TACC3: variants seen among roughly 807,000 people sequenced by gnomAD.
The protein encoded by TACC3 is transforming acidic coiled-coil containing protein 3.
A neutral mutation model predicts 86.0 loss-of-function variants in TACC3; 52 were observed. The ratio of observed to expected loss-of-function variants is 0.60; its 90% CI spans 0.48 to 0.76. The LOEUF is 0.76. Ranked by LOEUF, TACC3 falls within the 30% of genes least tolerant of loss-of-function variation. TACC3 has a pLI of 0.00. For synonymous variants in TACC3, 512 were observed against 430.0 expected, an observed-to-expected ratio of 1.19 and a Z score of -2.36; for missense variants, 1,120 against 1,070.4, an observed-to-expected ratio of 1.05 and a Z score of -0.65.
intron 13 of TACC3, 114 bp downstream of exon 13, chr4:1,741,100 T>A: frequency 2.9e-6 from 3 of 1,032,024 alleles, no homozygotes; most frequent in Non-Finnish European, 4.2e-6. Flanking sequence ...AAGCCTCCCC[T>A]TGCCACGGGG....
chr4:1,721,485 C>G (rs914385290), upstream of TACC3: 1 of 152,052 alleles, frequency 6.6e-6, no homozygotes, highest in African/African-American at 2.4e-5. Flanking sequence ...CGAAGGCAAC[C>G]GTCGGCGTTT....
chr4:1,727,687 T>TAAA, intron 3 of TACC3, 21 bp from the exon 4 acceptor site: 1 of 1,550,388 alleles, frequency 6.4e-7, no homozygotes, highest in East Asian at 2.3e-5. Context: ...TGCTTCACGT[T>TAAA]GATTAAGTCT....
intron 3 of TACC3, among the ~76,000 whole-genome samples, chr4:1,724,193 TCTC>T (rs1315375828): frequency 6.0e-5 from 9 of 150,508 alleles, no homozygotes; most frequent in African/African-American, 1.7e-4. Flanking sequence ...ATGGTCTTGA[TCTC>T]CTCCTGACCT....
At position 1,744,762 on chromosome 4, in the gene TACC3, T is replaced by C. The variant is rs772442048; in HGVS notation, c.2381T>C (p.Leu794Ser). The change falls in exon 15 of 16, where the codon TTG becomes TCG. Residue 794 changes from leucine to serine, a missense_variant. Transcript: ENST00000313288. The part of the protein sequence containing the change: ...QVRSKAQAEA[L>S]ALQASLRKEQ... Reference sequence around the variant, plus strand: ...CGGAGCAAGGCCCAGGCGGAAGCGTTGGCCCTCCAGGCCAGCCTGAGGAAG... The same window carrying C: ...CGGAGCAAGGCCCAGGCGGAAGCGTCGGCCCTCCAGGCCAGCCTGAGGAAG... 1 of 1,612,636 alleles carries C rather than the reference T, an allele frequency of 6.2e-7. No homozygotes were observed. Among genetic ancestry groups the C allele is most frequent in the Non-Finnish European group, 8.5e-7 (1 of 1,180,018 alleles).
intron 15 of TACC3, 32 bp from the exon 16 acceptor site, chr4:1,744,916 G>A: frequency 6.2e-7 from 1 of 1,611,446 alleles, no homozygotes; most frequent in Non-Finnish European, 8.5e-7. Context: ...TCCAAGCAGG[G>A]AGAAGCCCCG....
chr4:1,738,180 A>C, intron 10 of TACC3: 1 of 307,534 alleles, frequency 3.3e-6, no homozygotes, highest in Non-Finnish European at 6.4e-6. Flanking sequence ...CCGGGCCTAA[A>C]TTGTCCCTAA....
Position 1,737,391 on chromosome 4 carries a change from G to C in TACC3, c.1836+63G>C, listed in dbSNP as rs570032852. ...GGTCTGAGGGAACGAGTTGTTTTAA[G>C]GGCCTATATTTTCTATTCCTGGGGG... On this transcript the variant is annotated intron_variant, in intron 9 of 15. Coordinates refer to ENST00000313288, the MANE Select transcript of TACC3 (RefSeq NM_006342.3). The C allele has an allele frequency of 4.9e-5, 74 of 1,506,550 alleles. No individual in the cohort carries two copies. In the East Asian group the frequency reaches 1.7e-3, roughly 34 times the overall value. The allele number at this position is 1,506,550 out of a possible 1,614,324, so 93.3% of individuals were successfully genotyped here.
intron 3 of TACC3, among the ~76,000 whole-genome samples, chr4:1,725,945 C>T (rs1256941259): frequency 6.6e-6 from 1 of 152,248 alleles, no homozygotes. Flanking sequence ...GTCCCTCACC[C>T]TCAGTTTCTC....
In TACC3 at chr4:1,744,717, ACGAGGAGAT is replaced by A; in HGVS notation, c.2339_2347del (p.Glu780_Ile782del). ...CCCCGCCCCTACCCCTCCAGGGCAA[ACGAGGAGAT>A]CGCCCAGGTCCGGAGCAAGGCCCAG... On this transcript the variant is annotated inframe_deletion, in exon 15 of 16. Coordinates refer to ENST00000313288, the MANE Select transcript of TACC3 (RefSeq NM_006342.3). 6.2e-7 allele frequency: 1 copy of A among 1,612,532 alleles called. No individual in the cohort carries two copies. The highest frequency in any genetic ancestry group is 8.5e-7 in the Non-Finnish European group (1 of 1,179,914).
chr4:1,723,072 C>T (rs1374469), intron 1 of TACC3: 147,237 of 192,126 alleles, frequency 0.77, 56,781 homozygotes, highest in East Asian at 0.85. Context: ...CGGGCTTTTC[C>T]GTCTCTTGAC....
At position 1,728,223 on chromosome 4, in the gene TACC3, G is replaced by T; in HGVS notation, c.821G>T (p.Gly274Val). ...CAGGGTCTGCCTGGCGAAGCCCTGGGCTGCCCTGCGGGTGTGGGCACCCCC... is the reference window on the plus strand; with the variant it reads ...CAGGGTCTGCCTGGCGAAGCCCTGGTCTGCCCTGCGGGTGTGGGCACCCCC... The part of the protein sequence containing the change: ...PLQGLPGEAL[G>V]CPAGVGTPVP... Residue 274 changes from glycine (G) to valine (V), a missense_variant, in exon 4 of 16, where the codon GGC becomes GTC. Physicochemically the swap from Gly to Val is moderately radical, Grantham distance 109. Transcript: ENST00000313288. 1 of 1,612,244 alleles carries T rather than the reference G, an allele frequency of 6.2e-7. No individual in the cohort carries two copies. Among genetic ancestry groups the T allele is most frequent in the Non-Finnish European group, 8.5e-7 (1 of 1,179,764 alleles).
intron 6 of TACC3, among the ~76,000 whole-genome samples, chr4:1,732,848 T>C (rs1446301877): frequency 6.6e-6 from 1 of 152,226 alleles, no homozygotes; most frequent in African/African-American, 2.4e-5. Context: ...CATTCATTCA[T>C]GGATTTGCTG....
intron 3 of TACC3, among the ~76,000 whole-genome samples, chr4:1,726,368 C>G (rs887440302): frequency 2.0e-5 from 3 of 152,190 alleles, no homozygotes; most frequent in African/African-American, 4.8e-5. Context: ...ACAGCACTGC[C>G]AGTCCCCGAC....
Position 1,735,386 on chromosome 4 carries a change from G to A in TACC3, c.1644+61G>A. 1 of 1,599,748 alleles carries A rather than the reference G, an allele frequency of 6.3e-7. No individual in the cohort carries two copies. The highest frequency in any genetic ancestry group is 8.6e-7 in the Non-Finnish European group (1 of 1,167,646). ...AGGGTGTCCGAGAGCAGCCACGGCAGGTCTTGCCCCCGGAGCGTCCCTTGG... is the reference window on the plus strand; with the variant it reads ...AGGGTGTCCGAGAGCAGCCACGGCAAGTCTTGCCCCCGGAGCGTCCCTTGG... On this transcript the variant is annotated intron_variant, in intron 7 of 15. Coordinates refer to ENST00000313288, the MANE Select transcript of TACC3 (RefSeq NM_006342.3). This position sits in a 1 kb window ranked among gnomAD's most constrained non-coding sequence, Gnocchi z 4.2.
intron 6 of TACC3, 70 bp downstream of exon 6, chr4:1,731,371 G>C (rs1450579363): frequency 1.9e-6 from 3 of 1,563,728 alleles, no homozygotes; most frequent in South Asian, 2.3e-5. Flanking sequence ...TGGGCAGCTC[G>C]AGACACCTGC....
intron 3 of TACC3, among the ~76,000 whole-genome samples, chr4:1,726,960 C>T (rs113620562): frequency 6.6e-6 from 1 of 152,072 alleles, no homozygotes; most frequent in Admixed American, 6.5e-5. Flanking sequence ...AAACCTGTCT[C>T]TACTAAAAAT....
intron 1 of TACC3, 39 bp downstream of exon 1, chr4:1,721,682 C>T (rs1187735342): frequency 2.6e-5 from 4 of 151,746 alleles, no homozygotes; most frequent in Non-Finnish European, 5.9e-5. Flanking sequence ...GGCTGGGGTC[C>T]TGGGGGCGCG....
intron 8 of TACC3, among the ~76,000 whole-genome samples, chr4:1,736,637 A>G (rs1577219513): frequency 6.6e-6 from 1 of 151,310 alleles, no homozygotes; most frequent in Non-Finnish European, 1.5e-5. Context: ...GGCCGGGCGC[A>G]GTGGCTCACA....
chr4:1,742,311 A>G (rs1034084617), intron 13 of TACC3, among the ~76,000 whole-genome samples: 1 of 152,180 alleles, frequency 6.6e-6, no homozygotes, highest in Non-Finnish European at 1.5e-5. Flanking sequence ...TGGCTTGAGG[A>G]CACAGCGGCT....
Sources: gnomAD v4.1 joint callset for allele counts (sites outside exome capture counted in the v4.1 genomes callset) on GRCh38, gnomAD v4.1.1 for gene constraint, Gnocchi (gnomAD v3.1) non-coding constraint, MANE v1.5 for transcripts, NCBI Gene and HGNC (gene_info 2026-07-23, HGNC 2026-07-21) for gene names.